Variants in NUP205 observed in about 807,000 individuals in gnomAD.
The protein encoded by NUP205 is nucleoporin 205, also known as nuclear pore complex protein Nup205.
Under a neutral mutation model 253.8 loss-of-function variants are expected in NUP205, and 76 were observed. The observed-to-expected ratio is 0.30, with a 90% CI of 0.25 to 0.36. NUP205 has a LOEUF of 0.36. NUP205 is among the 10% of genes least tolerant of loss of function. The pLI is 1.00. For missense variants in NUP205, 2,162 were observed against 2,425.5 expected, an observed-to-expected ratio of 0.89 and a Z score of 2.28; for synonymous variants, 832 against 850.1, an observed-to-expected ratio of 0.98 and a Z score of 0.37.
chr7:135,593,676 G>T (rs1052689003), intron 12 of NUP205, among the ~76,000 whole-genome samples: 7 of 152,068 alleles, frequency 4.6e-5, no homozygotes, highest in African/African-American at 1.7e-4. Context: ...ATATCTTTTA[G>T]TTATGTCTGT....
At chr7:135,572,390 G>A (rs1020373257) in intron 2 of NUP205, among the ~76,000 whole-genome samples, 5 of 152,038 alleles carry the variant, frequency 3.3e-5, no homozygotes, top group African/African-American at 9.7e-5. Flanking sequence ...AAAATTTTAA[G>A]TATTATTTTA....
intron 3 of NUP205, among the ~76,000 whole-genome samples, chr7:135,575,549 C>T (rs1455613342): frequency 6.6e-6 from 1 of 152,172 alleles, no homozygotes; most frequent in Admixed American, 6.5e-5. Context: ...GTAATCCCAC[C>T]ACTTTGGGAG....
intron 30 of NUP205, among the ~76,000 whole-genome samples, chr7:135,621,294 G>A (rs1255814232): frequency 1.3e-5 from 2 of 152,232 alleles, no homozygotes. Flanking sequence ...GAATAGTTTA[G>A]AGAAGTTTTT....
At chr7:135,566,512 T>C (rs1394360184) in intron 1 of NUP205, among the ~76,000 whole-genome samples, 1 of 152,152 alleles carries the variant, frequency 6.6e-6, no homozygotes, top group Non-Finnish European at 1.5e-5. Context: ...GATTGGAAAG[T>C]GTGGGACTAA....
chr7:135,643,309 T>C lies in NUP205; in HGVS notation c.5510T>C (p.Val1837Ala). 1 of 1,614,108 alleles carries C rather than the reference T, an allele frequency of 6.2e-7. No homozygotes were observed. Among genetic ancestry groups the C allele is most frequent in the South Asian group, 1.1e-5 (1 of 91,080 alleles). Residue 1837 changes from valine to alanine, a missense_variant, in exon 39 of 43, where the codon GTC becomes GCC. Val to Ala is a moderately conservative substitution (Grantham distance 64, BLOSUM62 0). Transcript: ENST00000285968. ...FSYYDSHRQS[V>A]SKLQNVEQLP... ...TATTATGACAGTCATCGACAGAGTG[T>C]CAGCAAGCTACAAAATGTAGAGCAG...
At position 135,587,866 on chromosome 7, in the gene NUP205, A is replaced by C; in HGVS notation, c.1347A>C (p.Leu449=). The change falls in exon 10 of 43, where the codon CTA becomes CTC. Residue 449 remains leucine, a synonymous_variant. Transcript: ENST00000285968. ...LEHLMLLIGE[L]YKKNPFHLEL... ...CTTACTCTTTGCAGATTGGCGAGCTATATAAAAAGAACCCTTTTCATCTGG... is the reference window on the plus strand; with the variant it reads ...CTTACTCTTTGCAGATTGGCGAGCTCTATAAAAAGAACCCTTTTCATCTGG... 1 of 1,612,848 alleles carries C rather than the reference A, an allele frequency of 6.2e-7. No individual in the cohort carries two copies. The highest frequency in any genetic ancestry group is 8.5e-7 in the Non-Finnish European group (1 of 1,179,530).
rs1806518227 is a variant in NUP205, at chr7:135,587,934, C to T, written c.1415C>T (p.Thr472Ile). 1 of 1,613,932 alleles carries T rather than the reference C, an allele frequency of 6.2e-7. No individual in the cohort carries two copies. Among genetic ancestry groups the T allele is most frequent in the South Asian group, 1.1e-5 (1 of 91,078 alleles). Residue 472 changes from threonine (T) to isoleucine (I), a missense_variant, in exon 10 of 43, where the codon ACT becomes ATT. By Grantham distance (89) the Thr-to-Ile change is moderately conservative (BLOSUM62 -1). This residue lies in a region of NUP205 where 892 missense variants were observed against 957.1 expected (regional missense o/e 0.93). Coordinates refer to ENST00000285968, the MANE Select transcript of NUP205 (RefSeq NM_015135.3). ...EYWCPTEPLQ[T>I]PTIMGSYLGV... The stretch of plus-strand genomic sequence containing the variant: ...TGGTGTCCCACAGAGCCTCTTCAGA[C>T]TCCGACTATCATGGGCTCTTATCTA...
intron 2 of NUP205, 39 bp downstream of exon 2, chr7:135,571,286 T>C (rs1805990899): frequency 5.3e-6 from 7 of 1,329,182 alleles, no homozygotes; most frequent in Non-Finnish European, 6.9e-6. Flanking sequence ...GGGATTTTTT[T>C]TTTTTTAAGA....
At chr7:135,563,767 T>A (rs1472316053) in intron 1 of NUP205, among the ~76,000 whole-genome samples, 1 of 152,080 alleles carries the variant, frequency 6.6e-6, no homozygotes, top group African/African-American at 2.4e-5. Context: ...GGAGGATCAC[T>A]TGAGGCCAGG....
intron 15 of NUP205, among the ~76,000 whole-genome samples, chr7:135,598,638 A>G (rs1479988644): frequency 6.6e-6 from 1 of 152,236 alleles, no homozygotes; most frequent in African/African-American, 2.4e-5. Context: ...ATTGTAATCC[A>G]TTAGGCATGT....
chr7:135,604,262 T>C, intron 18 of NUP205, 78 bp from the exon 19 acceptor site: 1 of 1,305,486 alleles, frequency 7.7e-7, no homozygotes, highest in Non-Finnish European at 1.0e-6. Flanking sequence ...AAGCCCTGGT[T>C]CTAAATTTTC....
At chr7:135,570,042 TATATATATATAGAGAGAG>T (rs1563109351) in intron 1 of NUP205, among the ~76,000 whole-genome samples, 1 of 99,742 alleles carries the variant, frequency 1.0e-5, no homozygotes, top group African/African-American at 3.4e-5. Flanking sequence ...TATATATATA[TATATATATATAGAGAGAG>T]AGAGAGAGAG....
At chr7:135,566,297 C>T (rs7799373) in intron 1 of NUP205, among the ~76,000 whole-genome samples, 24,984 of 151,826 alleles carry the variant, frequency 0.16, 2,348 homozygotes, top group East Asian at 0.23. Flanking sequence ...CTAGTAGAGA[C>T]GGAGTTTCAT....
At chr7:135,567,300 A>G (rs1191947779) in intron 1 of NUP205, among the ~76,000 whole-genome samples, 2 of 147,724 alleles carry the variant, frequency 1.4e-5, no homozygotes, top group African/African-American at 5.0e-5. Context: ...TTTTTTTTTC[A>G]GGCTGGGTGC....
At chr7:135,591,665 C>A in intron 11 of NUP205, 65 bp downstream of exon 11, 2 of 1,418,682 alleles carry the variant, frequency 1.4e-6, no homozygotes, top group Non-Finnish European at 1.9e-6. Flanking sequence ...TATCCCACTA[C>A]CTATTAAGAA....
At position 135,602,961 on chromosome 7, in the gene NUP205, C is replaced by G; in HGVS notation, c.2669C>G (p.Thr890Ser). 1 of 1,613,012 alleles carries G rather than the reference C, an allele frequency of 6.2e-7. No homozygotes were observed. The highest frequency in any genetic ancestry group is 8.5e-7 in the Non-Finnish European group (1 of 1,179,300). ...EQLLQGINPR[T>S]KKADNVVNIA... ...CTTTTGCAGGGAATTAATCCCAGAACTAAGAAGGCAGATAATGTGGTAAAC... is the reference window on the plus strand; with the variant it reads ...CTTTTGCAGGGAATTAATCCCAGAAGTAAGAAGGCAGATAATGTGGTAAAC... The change falls in exon 18 of 43, where the codon ACT (threonine) becomes AGT (serine). Residue 890 changes from threonine (T) to serine (S), a missense_variant. Thr to Ser is a moderately conservative substitution (Grantham distance 58). Around this residue, in one of 5 missense-constraint regions of NUP205, gnomAD observed 892 missense variants for 957.1 expected, o/e 0.93. Coordinates refer to ENST00000285968, the MANE Select transcript of NUP205 (RefSeq NM_015135.3).
chr7:135,625,128 CT>C, intron 31 of NUP205, 35 bp from the exon 32 acceptor site: 2 of 1,545,050 alleles, frequency 1.3e-6, no homozygotes, highest in Non-Finnish European at 1.8e-6. Context: ...TTGGTAGCAT[CT>C]ACATGTTTTG....
At chr7:135,629,833 T>C (rs1794674179) in intron 34 of NUP205, among the ~76,000 whole-genome samples, 1 of 152,170 alleles carries the variant, frequency 6.6e-6, no homozygotes, top group South Asian at 2.1e-4. Context: ...TTCCTATCTC[T>C]ATTATAATAA....
At chr7:135,589,247 A>ATG (rs566617433) in intron 10 of NUP205, among the ~76,000 whole-genome samples, 17 of 147,574 alleles carry the variant, frequency 1.2e-4, no homozygotes, top group African/African-American at 2.7e-4. Context: ...CTTTTATGCA[A>ATG]TGTGTGTGTG....
Sources: allele counts gnomAD v4.1 joint callset (sites outside exome capture counted in the v4.1 genomes callset), GRCh38; gene constraint gnomAD v4.1.1; regional missense constraint gnomAD v4.1.1; transcripts MANE v1.5; gene names NCBI Gene and HGNC (gene_info 2026-07-23, HGNC 2026-07-21).